Variants in B3GAT2 observed in about 807,000 individuals in gnomAD.
The protein encoded by B3GAT2 is galactosylgalactosylxylosylprotein 3-beta-glucuronosyltransferase 2.
B3GAT2 carries 26 observed loss-of-function variants against 27.8 expected under a neutral mutation model. The observed-to-expected ratio is 0.93, with a 90% CI of 0.68 to 1.30. The LOEUF (loss-of-function observed/expected upper bound fraction) is 1.30. Among genes scored for constraint, B3GAT2 ranks in the 50% most tolerant of loss-of-function variants. The pLI is 0.00. For missense variants in B3GAT2, 458 were observed against 459.0 expected, an observed-to-expected ratio of 1.00 and a Z score of 0.02; for synonymous variants, 218 against 195.1, an observed-to-expected ratio of 1.12 and a Z score of -0.98.
At chr6:70,939,590 C>T (rs1765354208) in intron 1 of B3GAT2, among the ~76,000 whole-genome samples, 1 of 151,722 alleles carries the variant, frequency 6.6e-6, no homozygotes, top group Non-Finnish European at 1.5e-5. Flanking sequence ...AGTTCATGTC[C>T]TTTGCAGGGA....
At chr6:70,904,383 A>G (rs1314442009) in intron 1 of B3GAT2, among the ~76,000 whole-genome samples, 1 of 152,246 alleles carries the variant, frequency 6.6e-6, no homozygotes, top group Non-Finnish European at 1.5e-5. Flanking sequence ...CAAAATAATT[A>G]GGTGGTTTCA....
chr6:70,887,889 C>T lies in B3GAT2; in HGVS notation c.736+6239G>A, dbSNP rs566314263. On this transcript the variant is annotated intron_variant, in intron 2 of 3. Transcript: ENST00000230053. ...ATGTGCTGGAGGAAGTGATCTCTGC[C>T]CGCAAAGATTGAGTAGAGGGGAACA... is the stretch of plus-strand genomic sequence containing the variant. Among the ~76,000 whole-genome samples the T allele has an allele frequency of 2.6e-5, 4 of 152,244 alleles. No homozygotes were observed. The South Asian group carries it at 8.3e-4, about 32-fold the overall frequency.
At chr6:70,920,709 C>T (rs990732770) in intron 1 of B3GAT2, among the ~76,000 whole-genome samples, 11 of 152,110 alleles carry the variant, frequency 7.2e-5, no homozygotes, top group Admixed American at 3.3e-4. Context: ...GACTTGATAG[C>T]GTAATTGCTT....
At position 70,861,991 on chromosome 6, in the gene B3GAT2, TAA is replaced by T. The variant is rs575008239; in HGVS notation, c.737-15_737-14del. 160 of 1,215,930 alleles carry T rather than the reference TAA, an allele frequency of 1.3e-4. No individual in the cohort carries two copies. Among genetic ancestry groups the T allele is most frequent in the Admixed American group, 2.5e-4 (10 of 39,320 alleles). 75.3% of individuals were successfully genotyped at this position (1,215,930 alleles called of 1,614,324 possible). ...CTTACAGCAAATCCTTTGTGAAAAATAAAAAAAAAAAAGAGACTTTAAAATCC... is the reference window on the plus strand; with the variant it reads ...CTTACAGCAAATCCTTTGTGAAAAATAAAAAAAAAAGAGACTTTAAAATCC... On this transcript the variant is annotated splice_polypyrimidine_tract_variant and intron_variant, in intron 2 of 3. Coordinates refer to ENST00000230053, the MANE Select transcript of B3GAT2 (RefSeq NM_080742.3).
In B3GAT2 at chr6:70,860,129, T is replaced by A. The variant is rs2150017675; in HGVS notation, c.*1534A>T. 6.7e-7 allele frequency: 1 copy of A among 1,491,010 alleles called. No homozygotes were observed. Among genetic ancestry groups the A allele is most frequent in the Middle Eastern group, 1.8e-4 (1 of 5,542 alleles). The allele number at this position is 1,491,010 out of a possible 1,614,324, so 92.4% of individuals were successfully genotyped here. A position where few individuals can be genotyped will look rare whatever the true frequency, so the allele number is the denominator to read the frequency against. The stretch of plus-strand genomic sequence containing the variant: ...TCACATTAATGAAAAAATGACCAAC[T>A]GTGTGGCTAAAGAAACAAGAATTAA... On this transcript the variant is annotated 3_prime_UTR_variant, in exon 4 of 4. Transcript: ENST00000230053.
intron 2 of B3GAT2, among the ~76,000 whole-genome samples, chr6:70,891,077 T>G (rs1437405225): frequency 2.6e-5 from 4 of 152,246 alleles, no homozygotes; most frequent in African/African-American, 9.6e-5. Context: ...TGAAATTAAC[T>G]GCCTCCCTTC....
At chr6:70,918,457 T>C (rs1772812695) in intron 1 of B3GAT2, among the ~76,000 whole-genome samples, 2 of 152,248 alleles carry the variant, frequency 1.3e-5, no homozygotes, top group South Asian at 4.1e-4. Context: ...CTGGTTATTT[T>C]GCCCATCAAT....
intron 2 of B3GAT2, among the ~76,000 whole-genome samples, chr6:70,879,817 G>A (rs1435238548): frequency 3.3e-5 from 5 of 152,130 alleles, no homozygotes; most frequent in Admixed American, 6.5e-5. Flanking sequence ...TACACGTGAT[G>A]GCGGGATTGT....
rs61150776 is a variant in B3GAT2 at position 70,902,617 on chromosome 6, GATATATAT to G, written c.592-8353_592-8346del. ...ACAGATGAATGGATTAAGAAAATGG[GATATATAT>G]ATATATATATATACACACACACACA... On this transcript the variant is annotated intron_variant, in intron 1 of 3. Transcript: ENST00000230053. Among the ~76,000 whole-genome samples the G allele has an allele frequency of 1.8e-4, 23 of 125,284 alleles. 1 individual carries two copies. The East Asian group carries it at 3.0e-3, about 16-fold the overall frequency. 82.2% of individuals were successfully genotyped at this position (125,284 alleles called of 152,430 possible). A position where few individuals can be genotyped will look rare whatever the true frequency, so the allele number is the denominator to read the frequency against.
At chr6:70,945,816 C>T (rs1050230261) in intron 1 of B3GAT2, among the ~76,000 whole-genome samples, 38 of 151,240 alleles carry the variant, frequency 2.5e-4, no homozygotes, top group African/African-American at 9.2e-4. Context: ...TAAGGGCAGC[C>T]AGAGAGAAAG....
chr6:70,871,175 G>C (rs1361035154), intron 2 of B3GAT2, among the ~76,000 whole-genome samples: 2 of 132,050 alleles, frequency 1.5e-5, no homozygotes, highest in Non-Finnish European at 3.3e-5. Flanking sequence ...AAGGATTTTT[G>C]CATCTGTATT....
Position 70,956,505 on chromosome 6 carries a change from G to A in B3GAT2, c.-76C>T. 1.3e-6 allele frequency: 2 copies of A among 1,541,406 alleles called. No individual in the cohort carries two copies. Among genetic ancestry groups the A allele is most frequent in the Admixed American group, 2.0e-5 (1 of 50,554 alleles). On this transcript the variant is annotated 5_prime_UTR_variant, in exon 1 of 4. Transcript: ENST00000230053. Reference sequence around the variant, plus strand: ...GACCCCAGTGCGCAGCTTGGACAGCGGCGGCGCCAGCACTTAGGGAGTGGT... The same window carrying A: ...GACCCCAGTGCGCAGCTTGGACAGCAGCGGCGCCAGCACTTAGGGAGTGGT...
intron 1 of B3GAT2, among the ~76,000 whole-genome samples, chr6:70,909,931 T>C (rs1035676481): frequency 6.6e-6 from 1 of 152,138 alleles, no homozygotes; most frequent in South Asian, 2.1e-4. Flanking sequence ...TGGAGTGCAG[T>C]GGCATGATCT....
At chr6:70,890,753 G>A (rs1201697534) in intron 2 of B3GAT2, among the ~76,000 whole-genome samples, 1 of 152,184 alleles carries the variant, frequency 6.6e-6, no homozygotes, top group Non-Finnish European at 1.5e-5. Context: ...CCAACTCCAG[G>A]TGGTGTCAGA....
intron 1 of B3GAT2, among the ~76,000 whole-genome samples, chr6:70,939,318 C>T (rs1480079247): frequency 1.6e-4 from 22 of 135,958 alleles, no homozygotes; most frequent in African/African-American, 5.7e-4. Flanking sequence ...ACTAGTAAAA[C>T]CATTGTGGAA....
intron 1 of B3GAT2, among the ~76,000 whole-genome samples, chr6:70,948,537 C>T (rs1484301467): frequency 1.3e-5 from 2 of 151,598 alleles, no homozygotes; most frequent in Admixed American, 6.6e-5. Flanking sequence ...ACGTGAAGGA[C>T]CTCTTCAAGG....
chr6:70,872,080 AT>A (rs1263536579), intron 2 of B3GAT2, among the ~76,000 whole-genome samples: 2 of 151,922 alleles, frequency 1.3e-5, no homozygotes, highest in African/African-American at 4.8e-5. Context: ...AATTTTAGTT[AT>A]TTTAAATTGT....
In B3GAT2 at chr6:70,860,795, T is replaced by C. The variant is rs925616282; in HGVS notation, c.*868A>G. 5 of 398,506 alleles carry C rather than the reference T, an allele frequency of 1.3e-5. No homozygotes were observed. Among genetic ancestry groups the C allele is most frequent in the Admixed American group, 8.8e-5 (2 of 22,794 alleles). The allele number at this position is 398,506 out of a possible 1,614,324, so 24.7% of individuals were successfully genotyped here. A position where few individuals can be genotyped will look rare whatever the true frequency, so the allele number is the denominator to read the frequency against. The stretch of plus-strand genomic sequence containing the variant: ...AAATGTCTCACTGAGCACTGTTTTC[T>C]AGTGTATCAAAATGCTCTTATTTCA... On this transcript the variant is annotated 3_prime_UTR_variant, in exon 4 of 4. Transcript: ENST00000230053.
intron 2 of B3GAT2, among the ~76,000 whole-genome samples, chr6:70,891,421 A>G (rs540071250): frequency 6.6e-6 from 1 of 152,332 alleles, no homozygotes; most frequent in African/African-American, 2.4e-5. Context: ...ACAATGTTTC[A>G]TGTCACCTGA....
Sources: allele counts gnomAD v4.1 joint callset (sites outside exome capture counted in the v4.1 genomes callset), GRCh38; gene constraint gnomAD v4.1.1; transcripts MANE v1.5; gene names NCBI Gene and HGNC (gene_info 2026-07-23, HGNC 2026-07-21).